Variants in FRMD4A observed in about 807,000 individuals in gnomAD.
FRMD4A encodes FERM domain-containing protein 4A.
FRMD4A carries 29 observed loss-of-function variants against 129.1 expected under a neutral mutation model. The ratio of observed to expected loss-of-function variants is 0.22; its 90% CI spans 0.17 to 0.31. FRMD4A has a LOEUF of 0.31. Ranked by LOEUF, FRMD4A falls within the 10% of genes least tolerant of loss-of-function variation. FRMD4A has a pLI of 1.00. For missense variants in FRMD4A, 1,272 were observed against 1,375.8 expected, an observed-to-expected ratio of 0.92 and a Z score of 1.19; for synonymous variants, 634 against 571.6, an observed-to-expected ratio of 1.11 and a Z score of -1.56.
At chr10:14,174,748 G>A (rs529651521) in intron 2 of FRMD4A, among the ~76,000 whole-genome samples, 2 of 152,080 alleles carry the variant, frequency 1.3e-5, no homozygotes, top group Non-Finnish European at 2.9e-5. Flanking sequence ...TAGTTAACTG[G>A]GTTCTTCTGC....
chr10:14,259,161 C>T (rs2132030991), intron 2 of FRMD4A, among the ~76,000 whole-genome samples: 1 of 152,210 alleles, frequency 6.6e-6, no homozygotes, highest in South Asian at 2.1e-4. Context: ...TTAATTATGC[C>T]TTGACAAACC....
chr10:14,134,263 G>GGATGGATGGATA (rs1365654450), intron 2 of FRMD4A, among the ~76,000 whole-genome samples: 3 of 151,930 alleles, frequency 2.0e-5, no homozygotes, highest in African/African-American at 7.3e-5. Context: ...ATGGATGGAT[G>GGATGGATGGATA]GATGGATGGA....
chr10:14,071,575 A>G (rs1835322272), intron 2 of FRMD4A, among the ~76,000 whole-genome samples: 2 of 152,248 alleles, frequency 1.3e-5, no homozygotes, highest in Admixed American at 6.5e-5. Flanking sequence ...CCTACTTTAG[A>G]TTAGAAAATA....
At chr10:13,862,633 C>A (rs2094310054) in intron 2 of FRMD4A, among the ~76,000 whole-genome samples, 1 of 152,234 alleles carries the variant, frequency 6.6e-6, no homozygotes, top group Non-Finnish European at 1.5e-5. Context: ...TCTCTGCAAA[C>A]AGCACAGAGA....
intron 14 of FRMD4A, among the ~76,000 whole-genome samples, chr10:13,696,837 T>C (rs948379679): frequency 3.9e-5 from 6 of 152,188 alleles, no homozygotes; most frequent in African/African-American, 1.2e-4. Context: ...CTCAGATACA[T>C]GTTTGTAAAA....
intron 12 of FRMD4A, among the ~76,000 whole-genome samples, chr10:13,733,371 G>A (rs550579554): frequency 1.3e-5 from 2 of 152,334 alleles, no homozygotes; most frequent in African/African-American, 2.4e-5. Flanking sequence ...TCTTAGCGGG[G>A]TGGGGGGGTA....
intron 15 of FRMD4A, among the ~76,000 whole-genome samples, chr10:13,681,518 G>C (rs1374923466): frequency 6.6e-6 from 1 of 151,962 alleles, no homozygotes; most frequent in Non-Finnish European, 1.5e-5. Context: ...GGAAAACAGA[G>C]GTGATCTCAA....
chr10:13,744,763 A>G (rs983212877), intron 9 of FRMD4A: 1 of 152,214 alleles, frequency 6.6e-6, no homozygotes, highest in Non-Finnish European at 1.5e-5. Context: ...TGAGACGGGT[A>G]AAAACGTCTC....
At position 13,952,896 on chromosome 10, in the gene FRMD4A, A is replaced by G. The variant is rs116856739; in HGVS notation, c.46-93984T>C. ...TTTTTAGTAGAGAAGGGGTTTCGCC[A>G]TGTTGTCCAGACTGGTCTATAAACT... On this transcript the variant is annotated intron_variant, in intron 2 of 24. Coordinates refer to ENST00000357447, the MANE Select transcript of FRMD4A (RefSeq NM_018027.5). Among the ~76,000 whole-genome samples, 515 of 151,370 alleles carry G rather than the reference A, an allele frequency of 3.4e-3. 4 individuals are homozygous for G. The highest frequency in any genetic ancestry group is 0.023 in the East Asian group (121 of 5,154).
In FRMD4A at chr10:13,821,196, C is replaced by G. The variant is rs928742876; in HGVS notation, c.112-10288G>C. ...CCACTGTGTGGCCAGCAGGTCTGGG[C>G]GGCGACTCCCCTCCTTGTCGCCCTG... On this transcript the variant is annotated intron_variant, in intron 3 of 24. Transcript: ENST00000357447. The surrounding 1 kb of genome is among the most constrained non-coding windows in gnomAD (Gnocchi z 4.3). 6.6e-6 allele frequency among the ~76,000 whole-genome samples: 1 copy of G among 152,064 alleles called. No homozygotes were observed. The highest frequency in any genetic ancestry group is 2.4e-5 in the African/African-American group (1 of 41,414).
intron 2 of FRMD4A, among the ~76,000 whole-genome samples, chr10:14,111,344 G>A (rs1316474510): frequency 6.6e-6 from 1 of 152,132 alleles, no homozygotes. Flanking sequence ...TCATGAGTCT[G>A]TCTATGCCAT....
At chr10:14,162,227 C>T (rs187614288) in intron 2 of FRMD4A, among the ~76,000 whole-genome samples, 54 of 152,254 alleles carry the variant, frequency 3.5e-4, no homozygotes, top group African/African-American at 1.2e-3. Flanking sequence ...CAGTTAGCGG[C>T]CACCACACTA....
At chr10:13,702,509 T>C (rs915096131) in intron 13 of FRMD4A, among the ~76,000 whole-genome samples, 2 of 151,402 alleles carry the variant, frequency 1.3e-5, no homozygotes, top group Non-Finnish European at 2.9e-5. Flanking sequence ...GCAGATTATT[T>C]TGCAAATGAA....
chr10:14,281,167 TTTTTAG>T, intron 2 of FRMD4A, among the ~76,000 whole-genome samples: 1 of 152,022 alleles, frequency 6.6e-6, no homozygotes, highest in East Asian at 1.9e-4. Flanking sequence ...TAATTTTGTA[TTTTTAG>T]TAGAAGCAGG....
At chr10:13,743,279 CT>C (rs1365607715) in intron 9 of FRMD4A, among the ~76,000 whole-genome samples, 1 of 152,188 alleles carries the variant, frequency 6.6e-6, no homozygotes, top group Non-Finnish European at 1.5e-5. Flanking sequence ...CAGGCCCAGC[CT>C]CACTAATCCT....
At chr10:13,827,014 A>G (rs2093710771) in intron 3 of FRMD4A, among the ~76,000 whole-genome samples, 1 of 152,122 alleles carries the variant, frequency 6.6e-6, no homozygotes, top group South Asian at 2.1e-4. Flanking sequence ...CATACTTCCA[A>G]AGGTTTAGAG....
intron 2 of FRMD4A, among the ~76,000 whole-genome samples, chr10:13,906,617 A>G (rs1362023037): frequency 1.3e-5 from 2 of 152,180 alleles, no homozygotes; most frequent in East Asian, 3.8e-4. Flanking sequence ...CGTCTTCTCC[A>G]CTATGTTAGA....
intron 2 of FRMD4A, among the ~76,000 whole-genome samples, chr10:14,093,296 T>C (rs1317590067): frequency 6.6e-6 from 1 of 152,232 alleles, no homozygotes; most frequent in African/African-American, 2.4e-5. Context: ...TGGAAGTGTG[T>C]GCACTAAGAT....
At chr10:14,189,063 C>T (rs1054462696) in intron 2 of FRMD4A, among the ~76,000 whole-genome samples, 2 of 152,282 alleles carry the variant, frequency 1.3e-5, no homozygotes, top group Admixed American at 6.5e-5. Context: ...GTATTTTAAC[C>T]CTCAAGCACA....
Sources: gnomAD v4.1 joint callset for allele counts (sites outside exome capture counted in the v4.1 genomes callset) on GRCh38, gnomAD v4.1.1 for gene constraint, Gnocchi (gnomAD v3.1) non-coding constraint, MANE v1.5 for transcripts, NCBI Gene and HGNC (gene_info 2026-07-23, HGNC 2026-07-21) for gene names.